HMCN1: variants seen among roughly 807,000 people sequenced by gnomAD.
HMCN1 encodes the protein hemicentin 1, also known as hemicentin-1.
Under a neutral mutation model 625.9 loss-of-function variants are expected in HMCN1, and 321 were observed. That is an observed-to-expected ratio of 0.51 (90% CI 0.47 to 0.56). The LOEUF (loss-of-function observed/expected upper bound fraction) is 0.56, where lower values mean the gene tolerates loss of function less well. Among genes scored for constraint, HMCN1 ranks in the 20% least tolerant of loss-of-function variants. The pLI, the probability that HMCN1 is intolerant of heterozygous loss-of-function variation, is 0.00. For synonymous variants in HMCN1, 2,425 were observed against 2,417.6 expected (o/e 1.00, Z -0.09); for missense variants, 6,588 against 6,887.3 (o/e 0.96, Z 1.54).
intron 68 of HMCN1, among the ~76,000 whole-genome samples, 160 bp from the exon 69 acceptor site, chr1:186,103,312 A>G (rs982996072): frequency 1.3e-5 from 2 of 152,158 alleles, no homozygotes; most frequent in Admixed American, 6.5e-5. Context: ...AAGTGTGTCA[A>G]TGAGAAATGG....
At chr1:185,736,473 A>G (rs1035356870) in intron 1 of HMCN1, among the ~76,000 whole-genome samples, 4 of 152,206 alleles carry the variant, frequency 2.6e-5, no homozygotes, top group African/African-American at 9.7e-5. Context: ...TTATTTCGGA[A>G]TACCTTGAGT....
At chr1:185,843,715 G>A (rs1381466928) in intron 1 of HMCN1, among the ~76,000 whole-genome samples, 1 of 152,158 alleles carries the variant, frequency 6.6e-6, no homozygotes, top group Non-Finnish European at 1.5e-5. Context: ...GGGCAGCTGG[G>A]CAAGCTATTA....
At chr1:186,098,615 A>G (rs1378096160) in intron 68 of HMCN1, among the ~76,000 whole-genome samples, 1 of 152,092 alleles carries the variant, frequency 6.6e-6, no homozygotes, top group Non-Finnish European at 1.5e-5. Context: ...TATAGCCATT[A>G]TGAAAACAGA....
intron 29 of HMCN1, among the ~76,000 whole-genome samples, chr1:186,005,373 T>C (rs986332488): frequency 6.7e-6 from 1 of 148,282 alleles, no homozygotes; most frequent in South Asian, 2.1e-4. Flanking sequence ...TTTTTAATTG[T>C]TTATAAATGT....
Position 185,892,970 on chromosome 1 carries a change from G to C in HMCN1, c.622-16367G>C, listed in dbSNP as rs186081389. On this transcript the variant is annotated intron_variant, in intron 4 of 106. Transcript: ENST00000271588. ...GTGCTAGCAATCAGCGAGACTCCGT[G>C]GGGTAGGACCCTCCAAGCCAGGTGC... Among the ~76,000 whole-genome samples, 33 of 152,240 alleles carry C rather than the reference G, an allele frequency of 2.2e-4. No homozygotes were observed. In the East Asian group the frequency reaches 6.0e-3, roughly 28 times the overall value.
chr1:185,821,077 C>T (rs779703956), intron 1 of HMCN1, among the ~76,000 whole-genome samples: 15 of 151,520 alleles, frequency 9.9e-5, no homozygotes, highest in Non-Finnish European at 2.2e-4. Flanking sequence ...TTATAAGTCA[C>T]AGGATGTACT....
chr1:185,973,973 T>C (rs1306358162), intron 15 of HMCN1, among the ~76,000 whole-genome samples: 1 of 152,182 alleles, frequency 6.6e-6, no homozygotes, highest in Non-Finnish European at 1.5e-5. Flanking sequence ...ATGGAGTATA[T>C]ATATATTTAA....
At chr1:186,106,851 A>T in intron 69 of HMCN1, 33 bp from the exon 70 acceptor site, 1 of 1,365,934 alleles carries the variant, frequency 7.3e-7, no homozygotes, top group Non-Finnish European at 1.0e-6. Context: ...CTAACATGTT[A>T]ACATTATGTA....
In HMCN1 at chr1:186,007,277, T is replaced by C; in HGVS notation, c.4625T>C (p.Ile1542Thr). The change falls in exon 30 of 107, where the codon ATC becomes ACC. Residue 1542 changes from isoleucine to threonine, a missense_variant. Physicochemically the swap from Ile to Thr is moderately conservative, Grantham distance 89. Around this residue, in one of 3 missense-constraint regions of HMCN1, gnomAD observed 4,628 missense variants for 4,853.1 expected, o/e 0.95. Coordinates refer to ENST00000271588, the MANE Select transcript of HMCN1 (RefSeq NM_031935.3). ...CAAGCCAAGGATATAAAACTGACTATCTATAGTAAGTGCGATTGTCTTATG... is the reference window on the plus strand; with the variant it reads ...CAAGCCAAGGATATAAAACTGACTACCTATAGTAAGTGCGATTGTCTTATG... ...GKQAKDIKLT[I>T]YIPPSIKGGN... The C allele has an allele frequency of 6.2e-7, 1 of 1,613,486 alleles. No homozygotes were observed. Among genetic ancestry groups the C allele is most frequent in the Non-Finnish European group, 8.5e-7 (1 of 1,179,542 alleles).
Position 186,120,030 on chromosome 1 carries a change from T to A in HMCN1, c.12114T>A (p.Leu4038=). The A allele has an allele frequency of 6.2e-7, 1 of 1,614,074 alleles. No individual in the cohort carries two copies. The highest frequency in any genetic ancestry group is 8.5e-7 in the Non-Finnish European group (1 of 1,179,980). ...VNTSGRNHAV[L]PSGGLQISRA... ...TTGTAGGCAGAAACCATGCAGTTCT[T>A]CCTAGTGGCGGCTTACAGATCTCCA... Residue 4038 remains leucine, a synonymous_variant, in exon 80 of 107, where the codon CTT becomes CTA. Transcript: ENST00000271588.
chr1:186,110,067 G>A (rs1229893354), intron 71 of HMCN1, among the ~76,000 whole-genome samples: 1 of 152,088 alleles, frequency 6.6e-6, no homozygotes, highest in Non-Finnish European at 1.5e-5. Flanking sequence ...GATGAGTTCA[G>A]GTTTAGACAT....
intron 11 of HMCN1, among the ~76,000 whole-genome samples, chr1:185,952,291 T>C (rs1292562532): frequency 6.6e-6 from 1 of 151,100 alleles, no homozygotes; most frequent in East Asian, 1.9e-4. Flanking sequence ...GATAAAAAGA[T>C]TATAGGGTGG....
chr1:186,000,561 G>A (rs562342888), intron 26 of HMCN1, among the ~76,000 whole-genome samples: 24 of 103,568 alleles, frequency 2.3e-4, no homozygotes, highest in Non-Finnish European at 4.8e-4. Context: ...GTGTGTGTAT[G>A]TGTGTGTGTG....
chr1:186,103,675 G>A lies in HMCN1; in HGVS notation c.10770+7G>A, dbSNP rs759332448. On this transcript the variant is annotated splice_region_variant and intron_variant, in intron 69 of 106. Transcript: ENST00000271588. ...TCGAATTTCTACTGCTCAGGTAAGT[G>A]TCAAAGTTCATAGAATTATTTTAGG... is the stretch of plus-strand genomic sequence containing the variant. 5.0e-6 allele frequency: 8 copies of A among 1,611,808 alleles called. No homozygotes were observed. Among genetic ancestry groups the A allele is most frequent in the Non-Finnish European group, 6.8e-6 (8 of 1,178,408 alleles).
At chr1:186,185,347 G>A (rs897054500) in intron 105 of HMCN1, among the ~76,000 whole-genome samples, 16 of 152,262 alleles carry the variant, frequency 1.1e-4, no homozygotes, top group African/African-American at 3.8e-4. Flanking sequence ...AAGGCTAATT[G>A]AATTTCACAT....
At position 186,081,279 on chromosome 1, in the gene HMCN1, T is replaced by C. The variant is rs774868771; in HGVS notation, c.8672T>C (p.Leu2891Pro). The C allele has an allele frequency of 1.9e-6, 3 of 1,613,620 alleles. No individual in the cohort carries two copies. The highest frequency in any genetic ancestry group is 1.7e-6 in the Non-Finnish European group (2 of 1,179,584). Residue 2891 changes from leucine (L) to proline (P), a missense_variant, in exon 56 of 107, where the codon CTG becomes CCG. Leu to Pro is a moderately conservative substitution (Grantham distance 98, BLOSUM62 -3). Around this residue, in one of 3 missense-constraint regions of HMCN1, gnomAD observed 4,628 missense variants for 4,853.1 expected, o/e 0.95. Coordinates refer to ENST00000271588, the MANE Select transcript of HMCN1 (RefSeq NM_031935.3). ...EVTVLVNKSALIECLSSGSPA... is the reference protein window; with the variant it reads ...EVTVLVNKSAPIECLSSGSPA... ...ACCGTGCTGGTGAACAAGAGTGCAC[T>C]GATAGAGTGTTTATCCAGTGGCAGC...
In HMCN1 at chr1:186,151,329, C is replaced by T. The variant is rs138232561; in HGVS notation, c.14738C>T (p.Thr4913Ile). 10 of 1,613,456 alleles carry T rather than the reference C, an allele frequency of 6.2e-6. No individual in the cohort carries two copies. The African/African-American group carries it at 1.1e-4, about 17-fold the overall frequency. The change falls in exon 94 of 107, where the codon ACC (threonine) becomes ATC (isoleucine). Residue 4913 changes from threonine to isoleucine, a missense_variant. Around this residue, in one of 3 missense-constraint regions of HMCN1, gnomAD observed 1,954 missense variants for 2,013.1 expected, o/e 0.97. Transcript: ENST00000271588. Reference protein sequence around the residue: ...SDTRIIRAKITNVPRSLGSAM... With the variant: ...SDTRIIRAKIINVPRSLGSAM... ...ACTAGAATAATACGTGCCAAAATTA[C>T]CAATGTACCTCGTAGTCTTGGTAAG...
At chr1:186,128,397 T>C in intron 83 of HMCN1, 106 bp downstream of exon 83, 1 of 871,888 alleles carries the variant, frequency 1.1e-6, no homozygotes, top group East Asian at 2.6e-5. Flanking sequence ...AAGAATTGAT[T>C]GCTTTAAATG....
intron 46 of HMCN1, 82 bp downstream of exon 46, chr1:186,057,483 T>A: frequency 4.1e-6 from 4 of 985,676 alleles, no homozygotes; most frequent in Non-Finnish European, 6.5e-6. Flanking sequence ...TGCTCAGTGT[T>A]TTTATTGTTT....
Sources: allele counts gnomAD v4.1 joint callset (sites outside exome capture counted in the v4.1 genomes callset), GRCh38; gene constraint gnomAD v4.1.1; regional missense constraint gnomAD v4.1.1; transcripts MANE v1.5; gene names NCBI Gene and HGNC (gene_info 2026-07-23, HGNC 2026-07-21).